GNAI3: variants seen among roughly 807,000 people sequenced by gnomAD.
GNAI3 encodes the protein G protein subunit alpha i3.
In GNAI3, 12 loss-of-function variants were observed where a neutral mutation model predicts 41.8. The observed-to-expected ratio is 0.29, with a 90% CI of 0.18 to 0.47. GNAI3 has a LOEUF of 0.47. GNAI3 is among the 20% of genes least tolerant of loss of function. The pLI is 1.00. For missense variants in GNAI3, 360 were observed against 429.6 expected (o/e 0.84, Z 1.43); for synonymous variants, 132 against 146.5 (o/e 0.90, Z 0.71).
intron 1 of GNAI3, among the ~76,000 whole-genome samples, chr1:109,568,617 T>G (rs511566): frequency 0.86 from 130,226 of 152,126 alleles, 56,078 homozygotes; most frequent in East Asian, 1. Flanking sequence ...GTACATATTG[T>G]TGAATTTTTT....
intron 1 of GNAI3, among the ~76,000 whole-genome samples, chr1:109,564,117 A>G (rs548062751): frequency 6.7e-6 from 1 of 150,188 alleles, no homozygotes; most frequent in East Asian, 2.0e-4. Flanking sequence ...TTGATAGGTT[A>G]TTGTTAGAAT....
At chr1:109,552,280 T>C (rs1441880665) in intron 1 of GNAI3, among the ~76,000 whole-genome samples, 1 of 152,196 alleles carries the variant, frequency 6.6e-6, no homozygotes, top group African/African-American at 2.4e-5. Flanking sequence ...GTTCCAGTGC[T>C]TAGGATGGCA....
At chr1:109,558,657 G>A (rs1021442148) in intron 1 of GNAI3, among the ~76,000 whole-genome samples, 1 of 151,784 alleles carries the variant, frequency 6.6e-6, no homozygotes, top group Non-Finnish European at 1.5e-5. Context: ...ACTTTTATGA[G>A]TACCAGAAAA....
intron 1 of GNAI3, among the ~76,000 whole-genome samples, chr1:109,570,541 CTG>C (rs986816392): frequency 6.6e-6 from 1 of 152,144 alleles, no homozygotes; most frequent in Non-Finnish European, 1.5e-5. Context: ...AGGGGAGAGA[CTG>C]TGACGGGGTG....
At chr1:109,571,834 C>T (rs1648610976) in intron 1 of GNAI3, among the ~76,000 whole-genome samples, 1 of 152,088 alleles carries the variant, frequency 6.6e-6, no homozygotes, top group Non-Finnish European at 1.5e-5. Context: ...AGGAGAATCA[C>T]TTGAACCTGG....
chr1:109,567,039 G>T (rs1648475779), intron 1 of GNAI3, among the ~76,000 whole-genome samples: 1 of 152,136 alleles, frequency 6.6e-6, no homozygotes, highest in Non-Finnish European at 1.5e-5. Flanking sequence ...TAAATGAAAG[G>T]TGAGAATAAG....
chr1:109,569,720 T>C (rs569566201), intron 1 of GNAI3, among the ~76,000 whole-genome samples: 1 of 152,164 alleles, frequency 6.6e-6, no homozygotes, highest in East Asian at 1.9e-4. Context: ...CAGGAGAAGA[T>C]ATTAGTGTGA....
intron 1 of GNAI3, among the ~76,000 whole-genome samples, chr1:109,557,650 C>A (rs950612919): frequency 6.6e-6 from 1 of 152,170 alleles, no homozygotes; most frequent in Non-Finnish European, 1.5e-5. Flanking sequence ...ATGGCCTCCC[C>A]CGAGTCTTCA....
intron 1 of GNAI3, among the ~76,000 whole-genome samples, chr1:109,557,690 C>T (rs1648194686): frequency 6.6e-6 from 1 of 152,124 alleles, no homozygotes; most frequent in Admixed American, 6.5e-5. Flanking sequence ...TCTTCTGTGG[C>T]TCACGCACCG....
At chr1:109,583,676 G>GT (rs1413857465) in intron 5 of GNAI3, among the ~76,000 whole-genome samples, 1 of 152,052 alleles carries the variant, frequency 6.6e-6, no homozygotes, top group Non-Finnish European at 1.5e-5. Context: ...TGCCTTCCGG[G>GT]TTCAAGTGAT....
chr1:109,559,535 A>G (rs1648253466), intron 1 of GNAI3, among the ~76,000 whole-genome samples: 2 of 152,220 alleles, frequency 1.3e-5, no homozygotes, highest in Admixed American at 1.3e-4. Context: ...AAAGGTAACT[A>G]TTTTTGTGTT....
At position 109,586,746 on chromosome 1, in the gene GNAI3, C is replaced by T; in HGVS notation, c.738C>T (p.Ser246=). 6.2e-7 allele frequency: 1 copy of T among 1,603,330 alleles called. No individual in the cohort carries two copies. The highest frequency in any genetic ancestry group is 8.5e-7 in the Non-Finnish European group (1 of 1,172,954). The change falls in exon 7 of 9, where the codon AGC becomes AGT. Residue 246 remains serine, a synonymous_variant. Transcript: ENST00000369851. ...TTTTTCAGAACCGAATGCATGAAAG[C>T]ATGAAACTGTTTGACAGCATTTGTA... is the stretch of plus-strand genomic sequence containing the variant. The part of the protein sequence containing the change: ...EDEEMNRMHE[S]MKLFDSICNN...
At chr1:109,548,890 T>A in intron 1 of GNAI3, 52 bp downstream of exon 1, 1 of 1,213,764 alleles carries the variant, frequency 8.2e-7, no homozygotes, top group Non-Finnish European at 1.2e-6. Context: ...CCTAGGCGCT[T>A]GGAAGGCCTG....
intron 1 of GNAI3, among the ~76,000 whole-genome samples, chr1:109,550,574 C>T (rs1647957053): frequency 6.6e-6 from 1 of 151,570 alleles, no homozygotes; most frequent in South Asian, 2.1e-4. Flanking sequence ...CCCTCTGTTG[C>T]CTAGGCTGGA....
chr1:109,578,344 C>CCT (rs1648803082), intron 3 of GNAI3, among the ~76,000 whole-genome samples: 1 of 151,948 alleles, frequency 6.6e-6, no homozygotes, highest in African/African-American at 2.4e-5. Context: ...GTGGCAGATG[C>CCT]CTGTAATCCC....
Position 109,599,029 on chromosome 1 carries a change from T to A in GNAI3, c.*6707T>A, listed in dbSNP as rs1035653785. The A allele has an allele frequency of 3.8e-6, 2 of 522,150 alleles. No individual in the cohort carries two copies. The highest frequency in any genetic ancestry group is 8.0e-6 in the Non-Finnish European group (2 of 250,072). The allele number at this position is 522,150 out of a possible 1,614,324, so 32.3% of individuals were successfully genotyped here. ...AGTGGGTTTTGAATGCTGTTATGTC[T>A]CACCGTGGGGATGGGAAGGAATACT... On this transcript the variant is annotated 3_prime_UTR_variant, in exon 9 of 9. Coordinates refer to ENST00000369851, the MANE Select transcript of GNAI3 (RefSeq NM_006496.4).
rs911884606 is a variant in GNAI3, at chr1:109,597,361, C to G, written c.*5039C>G. On this transcript the variant is annotated 3_prime_UTR_variant, in exon 9 of 9. Transcript: ENST00000369851. ...CCTGTAATCCTAGCTACTCGGGAGG[C>G]TGAGGCAGGAGAATCGCTTGAACCT... 1 of 152,230 alleles carries G rather than the reference C, an allele frequency of 6.6e-6. No individual in the cohort carries two copies. The highest frequency in any genetic ancestry group is 2.4e-5 in the African/African-American group (1 of 41,368). The allele number at this position is 152,230 out of a possible 1,614,324, so 9.4% of individuals were successfully genotyped here.
rs558754542 is a variant in GNAI3, at chr1:109,553,492, G to A, written c.118+4654G>A. On this transcript the variant is annotated intron_variant, in intron 1 of 8. Transcript: ENST00000369851. Reference sequence around the variant, plus strand: ...TTGCTGCATATTATTGGCTGAATATGCTTATTATTGAGAATAAGACTGCCC... The same window carrying A: ...TTGCTGCATATTATTGGCTGAATATACTTATTATTGAGAATAAGACTGCCC... Among the ~76,000 whole-genome samples the A allele has an allele frequency of 2.0e-5, 3 of 152,240 alleles. No individual in the cohort carries two copies. In the South Asian group the frequency reaches 6.2e-4, roughly 32 times the overall value.
intron 1 of GNAI3, among the ~76,000 whole-genome samples, chr1:109,571,569 C>T (rs1648597437): frequency 6.6e-6 from 1 of 152,112 alleles, no homozygotes; most frequent in South Asian, 2.1e-4. Context: ...ACAGTGTGGC[C>T]GAGGGTACTC....
Sources: allele counts gnomAD v4.1 joint callset (sites outside exome capture counted in the v4.1 genomes callset), GRCh38; gene constraint gnomAD v4.1.1; transcripts MANE v1.5; gene names NCBI Gene and HGNC (gene_info 2026-07-23, HGNC 2026-07-21).